The following SPMAP2L variants were observed in gnomAD, a reference collection of about 807,000 sequenced individuals.
The protein encoded by SPMAP2L is sperm microtubule associated protein 2-like.
the SPMAP2L span, among the ~76,000 whole-genome samples, chr4:56,555,692 C>T: frequency 6.6e-6 from 1 of 151,616 alleles, no homozygotes; most frequent in Non-Finnish European, 1.5e-5. Context: ...TGGAATTATG[C>T]TTATGTATTT....
At chr4:56,594,839 G>A in the SPMAP2L span, 32 of 1,596,174 alleles carry the variant, frequency 2.0e-5, no homozygotes, top group East Asian at 2.7e-4. Context: ...CTACCTAGAC[G>A]GGGCAAATAT....
the SPMAP2L span, among the ~76,000 whole-genome samples, chr4:56,562,138 A>G: frequency 6.6e-6 from 1 of 152,158 alleles, no homozygotes; most frequent in South Asian, 2.1e-4. Context: ...TTTATCATCT[A>G]TTACGGGGGA....
the SPMAP2L span, chr4:56,593,166 A>C: frequency 6.4e-7 from 1 of 1,558,956 alleles, no homozygotes; most frequent in East Asian, 2.2e-5. Flanking sequence ...GAGGTGTCTC[A>C]GGGGAGGCTG....
the SPMAP2L span, among the ~76,000 whole-genome samples, chr4:56,575,202 T>G: frequency 6.7e-6 from 1 of 150,302 alleles, no homozygotes; most frequent in East Asian, 2.0e-4. Context: ...TGAGCCAAGA[T>G]CGCACCACTG....
At chr4:56,583,058 A>G in the SPMAP2L span, among the ~76,000 whole-genome samples, 1 of 152,138 alleles carries the variant, frequency 6.6e-6, no homozygotes, top group Non-Finnish European at 1.5e-5. Context: ...AGATCACTTG[A>G]GGTCAGGCGT....
chr4:56,621,334 T>C, the SPMAP2L span, among the ~76,000 whole-genome samples: 1 of 152,184 alleles, frequency 6.6e-6, no homozygotes, highest in African/African-American at 2.4e-5. Context: ...AAATGAATCT[T>C]GAATTATGAG....
chr4:56,535,043 G>T, the SPMAP2L span, among the ~76,000 whole-genome samples: 84 of 152,206 alleles, frequency 5.5e-4, no homozygotes, highest in African/African-American at 2.0e-3. Context: ...TTCAGCAAAT[G>T]GCACCACCAT....
At chr4:56,593,478 C>T in the SPMAP2L span, 1 of 1,594,664 alleles carries the variant, frequency 6.3e-7, no homozygotes, top group Non-Finnish European at 8.6e-7. Context: ...AGGTGGAAGA[C>T]TTTACGGAAC....
At chr4:56,624,708 C>T in the SPMAP2L span, among the ~76,000 whole-genome samples, 101 of 152,264 alleles carry the variant, frequency 6.6e-4, no homozygotes, top group African/African-American at 2.1e-3. Context: ...GTTGAGCCTG[C>T]GGGTGCACAG....
the SPMAP2L span, chr4:56,594,359 C>T: frequency 6.5e-7 from 1 of 1,544,136 alleles, no homozygotes; most frequent in Non-Finnish European, 9.0e-7. Flanking sequence ...TTCGTCTGAA[C>T]TCGCACCTAT....
chr4:56,577,596 A>C, the SPMAP2L span, among the ~76,000 whole-genome samples: 2 of 152,138 alleles, frequency 1.3e-5, no homozygotes, highest in Admixed American at 6.6e-5. Flanking sequence ...AAAATAAATA[A>C]ATAAATAAAA....
the SPMAP2L span, among the ~76,000 whole-genome samples, chr4:56,539,359 T>G: frequency 6.6e-6 from 1 of 152,210 alleles, no homozygotes; most frequent in African/African-American, 2.4e-5. Flanking sequence ...TACTGGAGTA[T>G]CCTACAGGAC....
chr4:56,596,423 A>G, the SPMAP2L span: 52 of 1,393,772 alleles, frequency 3.7e-5, no homozygotes, highest in Non-Finnish European at 4.8e-5. Context: ...CAGAGGTCAA[A>G]TCATACTTTG....
At chr4:56,547,977 C>T in the SPMAP2L span, among the ~76,000 whole-genome samples, 6 of 152,304 alleles carry the variant, frequency 3.9e-5, no homozygotes, top group East Asian at 9.6e-4. Context: ...TCTTTGCCCA[C>T]ACTTGAATTA....
the SPMAP2L span, among the ~76,000 whole-genome samples, chr4:56,538,834 A>G: frequency 6.6e-6 from 1 of 152,104 alleles, no homozygotes; most frequent in South Asian, 2.1e-4. Context: ...AGACTACTTT[A>G]AAGCCTTCTA....
chr4:56,581,863 AC>A, the SPMAP2L span, among the ~76,000 whole-genome samples: 1 of 152,124 alleles, frequency 6.6e-6, no homozygotes, highest in African/African-American at 2.4e-5. Context: ...GCAGAAGTAA[AC>A]CCCTACATTT....
the SPMAP2L span, among the ~76,000 whole-genome samples, chr4:56,614,557 G>A: frequency 6.6e-6 from 1 of 152,112 alleles, no homozygotes; most frequent in African/African-American, 2.4e-5. Flanking sequence ...CAGAGGCTGA[G>A]GCAGGAGAAC....
chr4:56,589,652 C>T, the SPMAP2L span, among the ~76,000 whole-genome samples: 1 of 149,046 alleles, frequency 6.7e-6, no homozygotes, highest in Non-Finnish European at 1.5e-5. Flanking sequence ...CTTTTGACTC[C>T]TTGGTTAGGT....
At chr4:56,620,222 A>G in the SPMAP2L span, among the ~76,000 whole-genome samples, 1 of 152,226 alleles carries the variant, frequency 6.6e-6, no homozygotes, top group African/African-American at 2.4e-5. Flanking sequence ...GCACAGCCAG[A>G]ATGAAACCTC....
Sources: gnomAD v4.1 joint callset for allele counts (sites outside exome capture counted in the v4.1 genomes callset) on GRCh38, gnomAD v4.1.1 for gene constraint, MANE v1.5 for transcripts, NCBI Gene and HGNC (gene_info 2026-07-23, HGNC 2026-07-21) for gene names.